Variants in KCNMB4 observed in about 807,000 individuals in gnomAD.
KCNMB4 encodes potassium calcium-activated channel subfamily M regulatory beta subunit 4.
Under a neutral mutation model 20.7 loss-of-function variants are expected in KCNMB4, and 3 were observed. That is an observed-to-expected ratio of 0.14 (90% CI 0.07 to 0.37). KCNMB4 has a LOEUF of 0.37. KCNMB4 is among the 10% of genes least tolerant of loss of function. KCNMB4 has a pLI of 1.00. For synonymous variants in KCNMB4, 110 were observed against 113.4 expected (o/e 0.97, Z 0.19); for missense variants, 168 against 265.9 (o/e 0.63, Z 2.56).
At chr12:70,420,204 G>A (rs955098843) in intron 2 of KCNMB4, among the ~76,000 whole-genome samples, 6 of 152,112 alleles carry the variant, frequency 3.9e-5, no homozygotes, top group African/African-American at 1.2e-4. Flanking sequence ...ATAGGAGAGC[G>A]GTTTATGGTA....
chr12:70,383,394 G>A (rs1042822513), intron 1 of KCNMB4, among the ~76,000 whole-genome samples: 9 of 152,222 alleles, frequency 5.9e-5, no homozygotes, highest in African/African-American at 2.2e-4. Context: ...GGGGATGTGG[G>A]CAGTCTTGTG....
chr12:70,375,307 G>A lies in KCNMB4; in HGVS notation c.336+8237G>A, dbSNP rs553636273. Among the ~76,000 whole-genome samples the A allele has an allele frequency of 2.8e-4, 43 of 152,018 alleles. No homozygotes were observed. In the South Asian group the frequency reaches 8.5e-3, roughly 30 times the overall value. ...GGTTTTCAAAGTATGGTCAGTGGAC[G>A]GGCAGCATCAGAATTATCTGTGAAC... On this transcript the variant is annotated intron_variant, in intron 1 of 2. Transcript: ENST00000258111.
At chr12:70,372,809 A>G (rs1309204071) in intron 1 of KCNMB4, among the ~76,000 whole-genome samples, 1 of 152,186 alleles carries the variant, frequency 6.6e-6, no homozygotes, top group Non-Finnish European at 1.5e-5. Context: ...ACAGAGAGGT[A>G]CAAACATTAT....
intron 1 of KCNMB4, among the ~76,000 whole-genome samples, chr12:70,368,375 T>G (rs1883532026): frequency 6.6e-6 from 1 of 151,746 alleles, no homozygotes; most frequent in South Asian, 2.1e-4. Flanking sequence ...GAATGACTCC[T>G]CTCAAAAAAA....
rs2136147214 is a variant in KCNMB4, at chr12:70,433,457, G to A, written c.*2804G>A. 1 of 152,282 alleles carries A rather than the reference G, an allele frequency of 6.6e-6. No individual in the cohort carries two copies. Among genetic ancestry groups the A allele is most frequent in the East Asian group, 1.9e-4 (1 of 5,164 alleles). The allele number at this position is 152,282 out of a possible 1,614,324, so 9.4% of individuals were successfully genotyped here. A position where few individuals can be genotyped will look rare whatever the true frequency, so the allele number is the denominator to read the frequency against. On this transcript the variant is annotated 3_prime_UTR_variant, in exon 3 of 3. Coordinates refer to ENST00000258111, the MANE Select transcript of KCNMB4 (RefSeq NM_014505.6). ...TCCTAGCCTGTGAAAAAAGAAGAAG[G>A]TGGAGCAAGCCATTTCCTTTTTAGG...
chr12:70,367,582 C>T (rs1883518295), intron 1 of KCNMB4, among the ~76,000 whole-genome samples: 1 of 152,076 alleles, frequency 6.6e-6, no homozygotes, highest in African/African-American at 2.4e-5. Context: ...TAGGCATTTT[C>T]AACTTGGGGT....
At chr12:70,391,179 A>G (rs1868296006) in intron 1 of KCNMB4, among the ~76,000 whole-genome samples, 1 of 152,228 alleles carries the variant, frequency 6.6e-6, no homozygotes, top group Non-Finnish European at 1.5e-5. Context: ...ATGTAAATAA[A>G]GAAGAACCTT....
chr12:70,424,395 C>T (rs757958128), intron 2 of KCNMB4, among the ~76,000 whole-genome samples: 3 of 150,900 alleles, frequency 2.0e-5, no homozygotes, highest in Admixed American at 6.6e-5. Context: ...GAGCCGAGAT[C>T]GCGCCACTGC....
chr12:70,429,682 A>G (rs1869307604), intron 2 of KCNMB4, among the ~76,000 whole-genome samples: 1 of 151,756 alleles, frequency 6.6e-6, no homozygotes, highest in Non-Finnish European at 1.5e-5. Context: ...AAAAAAAAAA[A>G]AAGAAAAAAG....
At chr12:70,412,758 A>T (rs1165588479) in intron 2 of KCNMB4, among the ~76,000 whole-genome samples, 6 of 152,320 alleles carry the variant, frequency 3.9e-5, no homozygotes, top group African/African-American at 1.4e-4. Context: ...GATTTGGAAC[A>T]AATTCCAGAG....
At chr12:70,375,109 A>T (rs1046962449) in intron 1 of KCNMB4, among the ~76,000 whole-genome samples, 5 of 152,178 alleles carry the variant, frequency 3.3e-5, no homozygotes, top group African/African-American at 1.2e-4. Flanking sequence ...TATTTCTCCC[A>T]AACCCACTTT....
chr12:70,429,666 C>CA lies in KCNMB4; in HGVS notation c.465-801dup, dbSNP rs11320039. On this transcript the variant is annotated intron_variant, in intron 2 of 2. Coordinates refer to ENST00000258111, the MANE Select transcript of KCNMB4 (RefSeq NM_014505.6). ...TAGGTGACAGAGTGAGACTCCATCT[C>CA]AAAAAAAAAAAAAAAAAAGAAAAAA... Among the ~76,000 whole-genome samples, 105 of 117,154 alleles carry CA rather than the reference C, an allele frequency of 9.0e-4. 2 individuals carry two copies. The highest frequency in any genetic ancestry group is 1.2e-3 in the Non-Finnish European group (71 of 57,128). The allele number at this position is 117,154 out of a possible 152,430, so 76.9% of individuals were successfully genotyped here. A position where few individuals can be genotyped will look rare whatever the true frequency, so the allele number is the denominator to read the frequency against.
At chr12:70,385,776 C>T (rs1868252218) in intron 1 of KCNMB4, among the ~76,000 whole-genome samples, 1 of 152,092 alleles carries the variant, frequency 6.6e-6, no homozygotes, top group African/African-American at 2.4e-5. Flanking sequence ...AATTTGAACT[C>T]ATAGGATGAG....
chr12:70,426,158 G>A (rs1016318580), intron 2 of KCNMB4, among the ~76,000 whole-genome samples: 1 of 152,042 alleles, frequency 6.6e-6, no homozygotes, highest in Non-Finnish European at 1.5e-5. Flanking sequence ...GTGGGGTGTG[G>A]TGGCAGGCGC....
intron 1 of KCNMB4, among the ~76,000 whole-genome samples, chr12:70,381,751 G>A (rs1883790172): frequency 6.6e-6 from 1 of 152,196 alleles, no homozygotes; most frequent in Admixed American, 6.5e-5. Context: ...CAGCTAAAGG[G>A]TACAGGGGTC....
chr12:70,382,480 A>C (rs1049482626), intron 1 of KCNMB4, among the ~76,000 whole-genome samples: 1 of 151,474 alleles, frequency 6.6e-6, no homozygotes, highest in African/African-American at 2.4e-5. Flanking sequence ...AAAATAAATT[A>C]TGAAAGTACT....
intron 1 of KCNMB4, among the ~76,000 whole-genome samples, chr12:70,391,075 T>C (rs764365165): frequency 6.6e-6 from 1 of 152,174 alleles, no homozygotes; most frequent in Non-Finnish European, 1.5e-5. Flanking sequence ...CTAAGGAGCT[T>C]TGGGCCTGGG....
intron 1 of KCNMB4, among the ~76,000 whole-genome samples, chr12:70,387,897 A>G (rs1868270151): frequency 6.6e-6 from 1 of 152,164 alleles, no homozygotes. Context: ...CTACTGTGCT[A>G]TCAAATAATA....
chr12:70,390,936 C>T (rs1303919193), intron 1 of KCNMB4, among the ~76,000 whole-genome samples: 1 of 152,140 alleles, frequency 6.6e-6, no homozygotes, highest in Non-Finnish European at 1.5e-5. Flanking sequence ...TGAATATCTG[C>T]CCTTTCTGCT....
Sources: gnomAD v4.1 joint callset for allele counts (sites outside exome capture counted in the v4.1 genomes callset) on GRCh38, gnomAD v4.1.1 for gene constraint, MANE v1.5 for transcripts, NCBI Gene and HGNC (gene_info 2026-07-23, HGNC 2026-07-21) for gene names.